The following THRB variants were observed in gnomAD, a reference collection of about 807,000 sequenced individuals.
THRB encodes thyroid hormone receptor beta.
A neutral mutation model predicts 47.8 loss-of-function variants in THRB; 12 were observed. The observed-to-expected ratio is 0.25, with a 90% confidence interval of 0.16 to 0.41. The LOEUF is 0.41. THRB is among the 10% of genes least tolerant of loss of function. THRB has a pLI of 1.00. For missense variants in THRB, 348 were observed against 589.2 expected (o/e 0.59, Z 4.24); for synonymous variants, 218 against 212.2 (o/e 1.03, Z -0.24).
chr3:24,191,536 G>A (rs1274607272), intron 4 of THRB, among the ~76,000 whole-genome samples: 1 of 152,100 alleles, frequency 6.6e-6, no homozygotes, highest in African/African-American at 2.4e-5. Context: ...CCTGTGCACA[G>A]CACACTGAAT....
At chr3:24,347,925 G>A (rs1383203606) in intron 1 of THRB, among the ~76,000 whole-genome samples, 1 of 152,086 alleles carries the variant, frequency 6.6e-6, no homozygotes, top group Non-Finnish European at 1.5e-5. Flanking sequence ...ATTTTACATA[G>A]TTCATTCAGG....
intron 2 of THRB, among the ~76,000 whole-genome samples, chr3:24,324,060 T>C (rs1429172839): frequency 6.6e-6 from 1 of 152,188 alleles, no homozygotes; most frequent in African/African-American, 2.4e-5. Context: ...CCACCTTGGA[T>C]ACCACCCCTG....
intron 2 of THRB, among the ~76,000 whole-genome samples, chr3:24,324,104 C>T (rs565766737): frequency 2.0e-5 from 3 of 152,324 alleles, no homozygotes; most frequent in East Asian, 1.9e-4. Context: ...TCACCCCACG[C>T]TTCATCTCAG....
intron 3 of THRB, among the ~76,000 whole-genome samples, chr3:24,279,358 A>G (rs1165552505): frequency 6.6e-6 from 1 of 151,838 alleles, no homozygotes; most frequent in African/African-American, 2.4e-5. Flanking sequence ...ATTCTCGGGC[A>G]CTCTCTCCTC....
At position 24,494,744 on chromosome 3, in the gene THRB, C is replaced by A. The variant is rs899446227; in HGVS notation, c.-353G>T. The stretch of plus-strand genomic sequence containing the variant: ...CTGCCCGGGGAAGGTAGCCTGCGGG[C>A]TCTTGCCCCGAGCCCGCGGAGCAGG... On this transcript the variant is annotated 5_prime_UTR_variant, in exon 1 of 11. Coordinates refer to ENST00000646209, the MANE Select transcript of THRB (RefSeq NM_001354712.2). 2.6e-5 allele frequency: 4 copies of A among 152,132 alleles called. No individual in the cohort carries two copies. Among genetic ancestry groups the A allele is most frequent in the Non-Finnish European group, 5.9e-5 (4 of 68,072 alleles). The allele number at this position is 152,132 out of a possible 1,614,324, so 9.4% of individuals were successfully genotyped here.
At chr3:24,489,749 A>G (rs1577964245) in intron 1 of THRB, among the ~76,000 whole-genome samples, 1 of 152,232 alleles carries the variant, frequency 6.6e-6, no homozygotes, top group South Asian at 2.1e-4. Context: ...TCACTATTCT[A>G]GCTGTCAGTT....
intron 1 of THRB, among the ~76,000 whole-genome samples, chr3:24,478,872 C>T (rs1340279639): frequency 6.6e-6 from 1 of 152,112 alleles, no homozygotes; most frequent in African/African-American, 2.4e-5. Flanking sequence ...TGGTTTCCAA[C>T]AGGGATGATT....
intron 1 of THRB, among the ~76,000 whole-genome samples, chr3:24,420,196 C>T (rs776823329): frequency 3.3e-5 from 5 of 151,822 alleles, no homozygotes; most frequent in African/African-American, 7.2e-5. Flanking sequence ...CTCCCAGGAC[C>T]AGCAATATTT....
At chr3:24,291,095 G>A (rs2055872520) in intron 3 of THRB, among the ~76,000 whole-genome samples, 1 of 152,196 alleles carries the variant, frequency 6.6e-6, no homozygotes, top group Non-Finnish European at 1.5e-5. Context: ...TACCACCTGA[G>A]AGCGTTACCC....
chr3:24,210,551 C>G (rs2149843961), intron 4 of THRB, among the ~76,000 whole-genome samples: 1 of 152,232 alleles, frequency 6.6e-6, no homozygotes, highest in South Asian at 2.1e-4. Context: ...CTGCACACGA[C>G]AGCCCCCACA....
chr3:24,243,070 A>C (rs1184430998), intron 3 of THRB, among the ~76,000 whole-genome samples: 1 of 3,128 alleles, frequency 3.2e-4, no homozygotes, highest in Non-Finnish European at 8.4e-4. Context: ...GCACCTTTGA[A>C]AAAAAAAAAA....
At chr3:24,234,538 G>C (rs533399162) in intron 3 of THRB, among the ~76,000 whole-genome samples, 6 of 152,292 alleles carry the variant, frequency 3.9e-5, no homozygotes, top group Non-Finnish European at 7.4e-5. Flanking sequence ...CCAAGGATCT[G>C]TCTAGGGCTG....
intron 4 of THRB, among the ~76,000 whole-genome samples, chr3:24,197,932 G>A (rs1025708133): frequency 2.6e-5 from 4 of 152,102 alleles, no homozygotes; most frequent in Non-Finnish European, 4.4e-5. Flanking sequence ...CATTTGTATC[G>A]GATGCCGGAG....
At chr3:24,172,328 G>A (rs2040540883) in intron 5 of THRB, among the ~76,000 whole-genome samples, 1 of 152,094 alleles carries the variant, frequency 6.6e-6, no homozygotes, top group Non-Finnish European at 1.5e-5. Context: ...CCGGCCAGAA[G>A]AGGCAGGCTG....
chr3:24,448,811 GA>G (rs1389879827), intron 1 of THRB, among the ~76,000 whole-genome samples: 1 of 152,190 alleles, frequency 6.6e-6, no homozygotes, highest in African/African-American at 2.4e-5. Flanking sequence ...TTCTGAGAAA[GA>G]AAACCCCTGC....
intron 5 of THRB, among the ~76,000 whole-genome samples, chr3:24,166,202 C>A (rs2039624983): frequency 6.6e-6 from 1 of 152,160 alleles, no homozygotes; most frequent in African/African-American, 2.4e-5. Context: ...TACATGAGAC[C>A]TAAAGCTTAC....
At chr3:24,418,295 T>C (rs1560139971) in intron 1 of THRB, among the ~76,000 whole-genome samples, 4 of 151,576 alleles carry the variant, frequency 2.6e-5, no homozygotes, top group African/African-American at 9.7e-5. Flanking sequence ...TGTTACTTGG[T>C]TGAATAAGCT....
intron 1 of THRB, among the ~76,000 whole-genome samples, chr3:24,439,441 G>T (rs1033879306): frequency 2.6e-5 from 4 of 152,054 alleles, no homozygotes; most frequent in Non-Finnish European, 4.4e-5. Flanking sequence ...CCTCTGTCTG[G>T]GATCTGTTGT....
At chr3:24,480,385 G>A (rs1696186246) in intron 1 of THRB, among the ~76,000 whole-genome samples, 1 of 152,202 alleles carries the variant, frequency 6.6e-6, no homozygotes, top group African/African-American at 2.4e-5. Flanking sequence ...AATCCTCAGA[G>A]GACCCACTTC....
Sources: allele counts gnomAD v4.1 joint callset (sites outside exome capture counted in the v4.1 genomes callset), GRCh38; gene constraint gnomAD v4.1.1; transcripts MANE v1.5; gene names NCBI Gene and HGNC (gene_info 2026-07-23, HGNC 2026-07-21).